Variants in SIRT3 observed in about 807,000 individuals in gnomAD.
SIRT3 encodes NAD-dependent protein deacetylase sirtuin-3, mitochondrial.
In SIRT3, 26 loss-of-function variants were observed where a neutral mutation model predicts 33.5. The observed-to-expected ratio is 0.78, with a 90% CI of 0.57 to 1.08. The LOEUF is 1.08. Among genes scored for constraint, SIRT3 ranks in the 50% least tolerant of loss-of-function variants. The pLI is 0.00. For missense variants in SIRT3, 585 were observed against 530.1 expected, an observed-to-expected ratio of 1.10 and a Z score of -1.02; for synonymous variants, 237 against 222.1, an observed-to-expected ratio of 1.07 and a Z score of -0.60.
intron 4 of SIRT3, among the ~76,000 whole-genome samples, chr11:225,323 A>ACC (rs1278958884): frequency 6.6e-6 from 1 of 152,158 alleles, no homozygotes; most frequent in Non-Finnish European, 1.5e-5. Flanking sequence ...GAGGCAGGGG[A>ACC]ATCACTTGAA....
In SIRT3 at chr11:223,507, G is replaced by GT. The variant is rs1356463095; in HGVS notation, c.969+570dup. The GT allele has an allele frequency of 5.9e-6, 2 of 338,636 alleles. No individual in the cohort carries two copies. Among genetic ancestry groups the GT allele is most frequent in the Non-Finnish European group, 1.2e-5 (2 of 172,218 alleles). The allele number at this position is 338,636 out of a possible 1,614,324, so 21.0% of individuals were successfully genotyped here. On this transcript the variant is annotated intron_variant, in intron 5 of 6. Transcript: ENST00000382743. This position sits in a 1 kb window ranked among gnomAD's most constrained non-coding sequence, Gnocchi z 4.8. ...CCCAAAGGCCTCCCTGACCCCAAGG[G>GT]TGCAGCTACGTCCCCGGGCCAGTCC...
At chr11:217,646 G>C (rs896751332) in intron 6 of SIRT3, among the ~76,000 whole-genome samples, 1 of 152,234 alleles carries the variant, frequency 6.6e-6, no homozygotes, top group Admixed American at 6.5e-5. Flanking sequence ...TGCAACCAGA[G>C]GTTGGAGGTC....
chr11:230,349 T>C lies in SIRT3; in HGVS notation c.807+103A>G, dbSNP rs548099159. 4 of 556,988 alleles carry C rather than the reference T, an allele frequency of 7.2e-6. No homozygotes were observed. In the South Asian group the frequency reaches 2.5e-4, roughly 34 times the overall value. The allele number at this position is 556,988 out of a possible 1,614,324, so 34.5% of individuals were successfully genotyped here. A position where few individuals can be genotyped will look rare whatever the true frequency, so the allele number is the denominator to read the frequency against. On this transcript the variant is annotated intron_variant, in intron 4 of 6. Coordinates refer to ENST00000382743, the MANE Select transcript of SIRT3 (RefSeq NM_012239.6). ...TTACAAATAAAATGTTTCACACTAT[T>C]ATTGTTCAACTGTCCTTTCGAGACA...
Position 223,773 on chromosome 11 carries a change from C to A in SIRT3, c.969+305G>T, listed in dbSNP as rs761235190. 5 of 1,088,210 alleles carry A rather than the reference C, an allele frequency of 4.6e-6. No homozygotes were observed. In the Admixed American group the frequency reaches 8.5e-5, roughly 19 times the overall value. 67.4% of individuals were successfully genotyped at this position (1,088,210 alleles called of 1,614,324 possible). On this transcript the variant is annotated intron_variant, in intron 5 of 6. Transcript: ENST00000382743. The surrounding 1 kb of genome is among the most constrained non-coding windows in gnomAD (Gnocchi z 4.8). Reference sequence around the variant, plus strand: ...ATCCATTCACCTTCCCAAAGTGGCACCAGCCCTGGAAGGGCCCATGAGATG... The same window carrying A: ...ATCCATTCACCTTCCCAAAGTGGCAACAGCCCTGGAAGGGCCCATGAGATG...
chr11:218,388 A>T (rs1855946443), intron 6 of SIRT3, among the ~76,000 whole-genome samples: 1 of 152,230 alleles, frequency 6.6e-6, no homozygotes, highest in Admixed American at 6.5e-5. Context: ...ATTATAATTG[A>T]TCAATGGCTC....
chr11:228,985 T>C (rs1234072184), intron 4 of SIRT3, among the ~76,000 whole-genome samples: 1 of 152,176 alleles, frequency 6.6e-6, no homozygotes, highest in Non-Finnish European at 1.5e-5. Context: ...TCATGAATCA[T>C]TAGGAAAATG....
intron 4 of SIRT3, 46 bp downstream of exon 4, chr11:230,406 C>T (rs1857776112): frequency 5.0e-6 from 6 of 1,199,348 alleles, no homozygotes; most frequent in Non-Finnish European, 5.6e-6. Flanking sequence ...TCCAGATCAC[C>T]CCAACAGCAA....
chr11:230,443 A>T lies in SIRT3; in HGVS notation c.807+9T>A. 7.0e-7 allele frequency: 1 copy of T among 1,431,324 alleles called. No individual in the cohort carries two copies. The allele number at this position is 1,431,324 out of a possible 1,614,324, so 88.7% of individuals were successfully genotyped here. A position where few individuals can be genotyped will look rare whatever the true frequency, so the allele number is the denominator to read the frequency against. ...CTGCAGAAGGACAACCAACAGCAGG[A>T]TAACTCACCCGAATGTCCTCCCCTG... On this transcript the variant is annotated intron_variant, in intron 4 of 6. Transcript: ENST00000382743.
chr11:226,802 G>A (rs1243857126), intron 4 of SIRT3, among the ~76,000 whole-genome samples: 1 of 147,916 alleles, frequency 6.8e-6, no homozygotes, highest in Non-Finnish European at 1.5e-5. Context: ...TTCCCAGGCT[G>A]GAGTGCAATG....
intron 1 of SIRT3, among the ~76,000 whole-genome samples, chr11:234,519 A>G (rs1858633473): frequency 6.6e-6 from 1 of 152,046 alleles, no homozygotes; most frequent in South Asian, 2.1e-4. Context: ...GGTTCACGCC[A>G]TTCTCCTGCC....
upstream of SIRT3, chr11:236,342 CAAG>C (rs1859122398): frequency 1.5e-6 from 2 of 1,335,184 alleles, no homozygotes; most frequent in Admixed American, 3.3e-5. Flanking sequence ...CCGCGCAGTC[CAAG>C]GAGTCCTCCG....
At position 218,755 on chromosome 11, in the gene SIRT3, G is replaced by C. The variant is rs768475086; in HGVS notation, c.1179+77C>G. On this transcript the variant is annotated intron_variant, in intron 6 of 6. Transcript: ENST00000382743. ...TACTGTTACTGTGTTAACCAACGGG[G>C]CTCCATATCAGGTGGACCATACCCT... 5 of 1,604,728 alleles carry C rather than the reference G, an allele frequency of 3.1e-6. No homozygotes were observed. In the East Asian group the frequency reaches 1.1e-4, roughly 36 times the overall value.
intron 1 of SIRT3, among the ~76,000 whole-genome samples, chr11:234,637 G>A (rs966444214): frequency 6.6e-6 from 1 of 152,138 alleles, no homozygotes; most frequent in Non-Finnish European, 1.5e-5. Context: ...GGATGGTCTC[G>A]ATCTCCTGAC....
At chr11:226,700 G>A (rs1015798876) in intron 4 of SIRT3, among the ~76,000 whole-genome samples, 7 of 150,740 alleles carry the variant, frequency 4.6e-5, no homozygotes, top group Non-Finnish European at 7.4e-5. Context: ...GAGCCACCGC[G>A]CCCAGCCTAG....
intron 5 of SIRT3, 24 bp from the exon 6 acceptor site, chr11:219,065 G>T: frequency 1.9e-6 from 3 of 1,590,982 alleles, no homozygotes; most frequent in Non-Finnish European, 2.6e-6. Context: ...CAAACGTGAG[G>T]GGCACAGTGT....
Position 216,700 on chromosome 11 carries a change from A to G in SIRT3, c.1198T>C (p.Ter400GlnextTer26). ...ATTGTGTGGGGGCAGCCATCATCCT[A>G]TTTGTCTGGTCCATCAAGCTGGAAT... is the stretch of plus-strand genomic sequence containing the variant. ...ETGKLDGPDK* is the reference protein window; with the variant it reads ...ETGKLDGPDKQ Residue 400 changes from the stop codon to glutamine (Q), a stop_lost, in exon 7 of 7, where the codon TAG (stop) becomes CAG (glutamine). Coordinates refer to ENST00000382743, the MANE Select transcript of SIRT3 (RefSeq NM_012239.6). The G allele has an allele frequency of 6.2e-7, 1 of 1,614,066 alleles. No homozygotes were observed. Among genetic ancestry groups the G allele is most frequent in the Middle Eastern group, 1.6e-4 (1 of 6,062 alleles).
At chr11:236,348 G>A (rs1859124009), upstream of SIRT3, 5 of 1,295,618 alleles carry the variant, frequency 3.9e-6, no homozygotes, top group Non-Finnish European at 4.9e-6. Flanking sequence ...AGTCCAAGGA[G>A]TCCTCCGGAC....
Position 218,992 on chromosome 11 carries a change from C to G in SIRT3, c.1019G>C (p.Arg340Pro). 1 of 1,614,122 alleles carries G rather than the reference C, an allele frequency of 6.2e-7. No homozygotes were observed. The highest frequency in any genetic ancestry group is 1.1e-5 in the South Asian group (1 of 91,066). ...LTEAVRSSVPRLLINRDLVGP... is the reference protein window; with the variant it reads ...LTEAVRSSVPPLLINRDLVGP... The stretch of plus-strand genomic sequence containing the variant: ...CACCAAGTCCCGGTTGATGAGCAGT[C>G]GGGGAACTGAGCTCCGCACGGCCTC... Residue 340 changes from arginine to proline, a missense_variant, in exon 6 of 7, where the codon CGA (arginine) becomes CCA (proline). Transcript: ENST00000382743.
At chr11:232,427 G>A (rs552175037) in intron 3 of SIRT3, among the ~76,000 whole-genome samples, 117 of 152,128 alleles carry the variant, frequency 7.7e-4, no homozygotes, top group African/African-American at 2.7e-3. Context: ...TCCGGCACCC[G>A]GCCGGAGTTG....
Sources: allele counts gnomAD v4.1 joint callset (sites outside exome capture counted in the v4.1 genomes callset), GRCh38; gene constraint gnomAD v4.1.1; non-coding constraint Gnocchi (gnomAD v3.1); transcripts MANE v1.5; gene names NCBI Gene and HGNC (gene_info 2026-07-23, HGNC 2026-07-21).